The following AGBL1 variants were observed in gnomAD, a reference collection of about 807,000 sequenced individuals.
AGBL1 encodes AGBL carboxypeptidase 1.
Under a neutral mutation model 118.9 loss-of-function variants are expected in AGBL1, and 130 were observed. That is an observed-to-expected ratio of 1.09 (90% CI 0.95 to 1.26). AGBL1 has a LOEUF of 1.26. AGBL1 is among the 50% of genes most tolerant of loss of function. AGBL1 has a pLI of 0.00. For missense variants in AGBL1, 1,584 were observed against 1,298.1 expected (o/e 1.22, Z -3.38); for synonymous variants, 555 against 478.9 (o/e 1.16, Z -2.08).
chr15:86,933,836 G>A (rs760019502), intron 23 of AGBL1, among the ~76,000 whole-genome samples: 10 of 152,160 alleles, frequency 6.6e-5, no homozygotes, highest in South Asian at 2.1e-4. Flanking sequence ...CTCCCTTGCC[G>A]GAGGAATTGC....
intron 24 of AGBL1, among the ~76,000 whole-genome samples, chr15:87,002,481 G>A (rs1165450841): frequency 6.6e-6 from 1 of 151,966 alleles, no homozygotes; most frequent in Non-Finnish European, 1.5e-5. Flanking sequence ...GGTTCCATAT[G>A]AACTTTAAAG....
rs141622060 is a variant in AGBL1, at chr15:86,700,713, A to G, written c.3158+26277A>G. ...AAGGATTTTTGCTGCCTTGTGTTTT[A>G]TTCTGTGCCTCAAGTAATCCTAACT... On this transcript the variant is annotated intron_variant, in intron 22 of 22. Coordinates refer to ENST00000614907, the MANE Select transcript of AGBL1 (RefSeq NM_001386094.1). Among the ~76,000 whole-genome samples, 268 of 152,250 alleles carry G rather than the reference A, an allele frequency of 1.8e-3. 4 individuals are homozygous for G. In the East Asian group the frequency reaches 0.022, roughly 12 times the overall value.
At chr15:86,529,846 T>C (rs2083324050) in intron 19 of AGBL1, among the ~76,000 whole-genome samples, 1 of 147,176 alleles carries the variant, frequency 6.8e-6, no homozygotes, top group Non-Finnish European at 1.5e-5. Flanking sequence ...GAATTTCATA[T>C]CCAGCCAAAC....
intron 5 of AGBL1, among the ~76,000 whole-genome samples, chr15:86,160,990 C>A (rs1316512916): frequency 1.3e-5 from 2 of 152,158 alleles, no homozygotes; most frequent in African/African-American, 4.8e-5. Flanking sequence ...CTCAGAGACT[C>A]ACACTAGTTG....
chr15:86,765,585 C>T (rs80196157), intron 22 of AGBL1, among the ~76,000 whole-genome samples: 9,782 of 151,962 alleles, frequency 0.064, 386 homozygotes, highest in South Asian at 0.13. Flanking sequence ...ACAGCATTTA[C>T]GATTCCCTGG....
At chr15:86,152,729 T>C (rs951782598) in intron 3 of AGBL1, among the ~76,000 whole-genome samples, 2 of 152,050 alleles carry the variant, frequency 1.3e-5, no homozygotes, top group African/African-American at 4.8e-5. Context: ...TGAACAGGCA[T>C]CCTACAGAAT....
At chr15:86,411,203 C>A (rs1394507149) in intron 18 of AGBL1, among the ~76,000 whole-genome samples, 2 of 151,754 alleles carry the variant, frequency 1.3e-5, no homozygotes, top group Non-Finnish European at 2.9e-5. Flanking sequence ...TCTCCAAGAG[C>A]TTTTCAGGGT....
intron 17 of AGBL1, among the ~76,000 whole-genome samples, chr15:86,393,615 A>C (rs1392630646): frequency 1.3e-5 from 2 of 152,204 alleles, no homozygotes; most frequent in African/African-American, 2.4e-5. Context: ...CAAATGATAT[A>C]GTAGGAAAGT....
At chr15:86,216,585 A>G (rs2078193015) in intron 5 of AGBL1, among the ~76,000 whole-genome samples, 1 of 152,186 alleles carries the variant, frequency 6.6e-6, no homozygotes, top group South Asian at 2.1e-4. Flanking sequence ...TCAGATGTCA[A>G]ACCAACCCTG....
intron 1 of AGBL1, among the ~76,000 whole-genome samples, chr15:86,133,880 A>T (rs780452181): frequency 6.6e-6 from 1 of 152,220 alleles, no homozygotes; most frequent in Non-Finnish European, 1.5e-5. Flanking sequence ...ATTTTGTTAC[A>T]AAACCACATT....
intron 21 of AGBL1, among the ~76,000 whole-genome samples, chr15:86,579,480 C>G (rs544032087): frequency 6.6e-6 from 1 of 152,158 alleles, no homozygotes; most frequent in South Asian, 2.1e-4. Flanking sequence ...GCTGATATTT[C>G]TACTTTCTCC....
At chr15:86,464,733 G>A (rs2142091709) in intron 18 of AGBL1, among the ~76,000 whole-genome samples, 1 of 152,222 alleles carries the variant, frequency 6.6e-6, no homozygotes, top group East Asian at 1.9e-4. Flanking sequence ...TTTATTTGAT[G>A]GATTACGTTT....
intron 22 of AGBL1, among the ~76,000 whole-genome samples, chr15:86,888,772 G>A (rs543972121): frequency 7.9e-5 from 12 of 152,196 alleles, no homozygotes; most frequent in South Asian, 6.2e-4. Flanking sequence ...TTATTTGCAC[G>A]TCTTTCATGA....
chr15:86,582,659 C>T (rs1210774103), intron 21 of AGBL1, among the ~76,000 whole-genome samples: 1 of 152,106 alleles, frequency 6.6e-6, no homozygotes, highest in East Asian at 1.9e-4. Flanking sequence ...GGCACATATA[C>T]ACCATGGAAT....
intron 22 of AGBL1, among the ~76,000 whole-genome samples, chr15:86,788,816 G>A (rs1227843437): frequency 6.6e-6 from 1 of 152,308 alleles, no homozygotes; most frequent in East Asian, 1.9e-4. Context: ...AGCTATATGT[G>A]ATGAGAAAGA....
intron 16 of AGBL1, among the ~76,000 whole-genome samples, chr15:86,294,718 A>G (rs1353836499): frequency 2.0e-5 from 3 of 152,006 alleles, no homozygotes; most frequent in Admixed American, 1.3e-4. Flanking sequence ...TAAGGAAGGC[A>G]TGCTTAGATT....
intron 22 of AGBL1, among the ~76,000 whole-genome samples, chr15:86,729,707 G>T (rs1596413972): frequency 6.6e-6 from 1 of 152,210 alleles, no homozygotes; most frequent in South Asian, 2.1e-4. Context: ...CCATATCTTT[G>T]CTATTGTGAA....
intron 22 of AGBL1, among the ~76,000 whole-genome samples, chr15:86,678,400 A>C (rs1054295971): frequency 1.3e-5 from 2 of 152,140 alleles, no homozygotes; most frequent in Non-Finnish European, 2.9e-5. Flanking sequence ...ATGTTTTCTG[A>C]TGCAGATAAA....
At chr15:86,144,266 T>C (rs1002568815) in intron 3 of AGBL1, among the ~76,000 whole-genome samples, 1 of 152,196 alleles carries the variant, frequency 6.6e-6, no homozygotes, top group Non-Finnish European at 1.5e-5. Flanking sequence ...TGGTGATTCC[T>C]CAAAGACCTA....
Sources: gnomAD v4.1 joint callset for allele counts (sites outside exome capture counted in the v4.1 genomes callset) on GRCh38, gnomAD v4.1.1 for gene constraint, MANE v1.5 for transcripts, NCBI Gene and HGNC (gene_info 2026-07-23, HGNC 2026-07-21) for gene names.